The following CNTNAP2 variants were observed in gnomAD, a reference collection of about 807,000 sequenced individuals.
CNTNAP2 encodes the protein contactin associated protein 2, also known as contactin-associated protein-like 2.
In CNTNAP2, 98 loss-of-function variants were observed where a neutral mutation model predicts 155.2. That is an observed-to-expected ratio of 0.63 (90% confidence interval 0.54 to 0.75). The LOEUF is 0.75. Ranked by LOEUF, CNTNAP2 falls within the 30% of genes least tolerant of loss-of-function variation. The pLI, the probability that CNTNAP2 is intolerant of heterozygous loss-of-function variation, is 0.00. For synonymous variants in CNTNAP2, 651 were observed against 631.2 expected (o/e 1.03, Z -0.47); for missense variants, 1,727 against 1,688.1 (o/e 1.02, Z -0.40).
chr7:146,132,703 T>A (rs111365123), intron 1 of CNTNAP2, among the ~76,000 whole-genome samples: 2 of 151,026 alleles, frequency 1.3e-5, no homozygotes, highest in African/African-American at 4.9e-5. Flanking sequence ...ACTGAGAATG[T>A]TTTCCAATTT....
intron 2 of CNTNAP2, among the ~76,000 whole-genome samples, chr7:146,798,196 G>T (rs531069169): frequency 2.0e-5 from 3 of 151,978 alleles, no homozygotes; most frequent in Non-Finnish European, 4.4e-5. Flanking sequence ...CACTTGAGCC[G>T]GGGATGGGGA....
intron 2 of CNTNAP2, among the ~76,000 whole-genome samples, chr7:146,807,656 C>A (rs1278351292): frequency 6.6e-6 from 1 of 151,966 alleles, no homozygotes; most frequent in African/African-American, 2.4e-5. Flanking sequence ...AGCCTTCTCT[C>A]CTCCAGGTCT....
At chr7:147,531,550 C>A (rs891477027) in intron 11 of CNTNAP2, among the ~76,000 whole-genome samples, 2 of 152,216 alleles carry the variant, frequency 1.3e-5, no homozygotes, top group Non-Finnish European at 2.9e-5. Flanking sequence ...CCCTTTCAGC[C>A]ATGGCTGGAG....
chr7:146,885,253 TA>T (rs992296177), intron 3 of CNTNAP2, among the ~76,000 whole-genome samples: 1 of 152,140 alleles, frequency 6.6e-6, no homozygotes, highest in South Asian at 2.1e-4. Context: ...TCCAATAAAA[TA>T]AAAAACCTGC....
chr7:146,276,789 G>C (rs1337135330), intron 1 of CNTNAP2, among the ~76,000 whole-genome samples: 3 of 152,172 alleles, frequency 2.0e-5, no homozygotes, highest in African/African-American at 7.2e-5. Flanking sequence ...CTGAGCTTTA[G>C]CAAGAAGATG....
At position 146,290,909 on chromosome 7, in the gene CNTNAP2, T is replaced by A. The variant is rs1264558947; in HGVS notation, c.97+173936T>A. ...TGCATAGCAAAGCATTGGAGTGAAG[T>A]AGCTGATATGTATTGGATGACTTAG... On this transcript the variant is annotated intron_variant, in intron 1 of 23. Transcript: ENST00000361727. Among the ~76,000 whole-genome samples the A allele has an allele frequency of 2.6e-5, 4 of 152,332 alleles. No homozygotes were observed. The East Asian group carries it at 7.7e-4, about 29-fold the overall frequency.
chr7:148,217,200 G>A, intron 18 of CNTNAP2, 88 bp from the exon 19 acceptor site: 4 of 1,289,536 alleles, frequency 3.1e-6, no homozygotes, highest in Non-Finnish European at 2.3e-6. Context: ...GCCAGTGCCT[G>A]CACTCCATGA....
At chr7:147,587,371 TCC>T (rs2116837578) in intron 12 of CNTNAP2, among the ~76,000 whole-genome samples, 1 of 152,306 alleles carries the variant, frequency 6.6e-6, no homozygotes, top group East Asian at 1.9e-4. Flanking sequence ...TGGTGAGCCT[TCC>T]TCTGTGCAAA....
intron 1 of CNTNAP2, among the ~76,000 whole-genome samples, chr7:146,560,753 A>G (rs527516219): frequency 6.6e-6 from 1 of 152,276 alleles, no homozygotes; most frequent in South Asian, 2.1e-4. Flanking sequence ...TTTCTAACCA[A>G]GAAAATGTCA....
chr7:146,664,308 C>A (rs1407810066), intron 1 of CNTNAP2, among the ~76,000 whole-genome samples: 1 of 151,670 alleles, frequency 6.6e-6, no homozygotes, highest in Non-Finnish European at 1.5e-5. Flanking sequence ...ACTACAGGCA[C>A]GTGCCACCAT....
At chr7:146,530,003 A>T (rs191000471) in intron 1 of CNTNAP2, among the ~76,000 whole-genome samples, 21 of 152,094 alleles carry the variant, frequency 1.4e-4, no homozygotes, top group Middle Eastern at 3.4e-3. Flanking sequence ...AACAAATCAG[A>T]TACAAAGGCA....
chr7:147,123,075 A>G (rs1039288392), intron 6 of CNTNAP2, among the ~76,000 whole-genome samples: 4 of 152,138 alleles, frequency 2.6e-5, no homozygotes, highest in Non-Finnish European at 5.9e-5. Context: ...GACTTTATTA[A>G]CATTAAATGA....
intron 1 of CNTNAP2, among the ~76,000 whole-genome samples, chr7:146,279,039 C>A (rs1379274115): frequency 6.6e-6 from 1 of 152,024 alleles, no homozygotes; most frequent in Non-Finnish European, 1.5e-5. Flanking sequence ...ATAAAAGGAA[C>A]AAAGATTGTT....
chr7:148,300,765 CA>C (rs1404980362), intron 21 of CNTNAP2, among the ~76,000 whole-genome samples: 1 of 152,050 alleles, frequency 6.6e-6, no homozygotes, highest in African/African-American at 2.4e-5. Context: ...AAGCCAGTTA[CA>C]AAAGGACAAA....
intron 5 of CNTNAP2, among the ~76,000 whole-genome samples, chr7:147,114,889 G>A (rs1051003564): frequency 2.0e-5 from 3 of 152,038 alleles, no homozygotes; most frequent in African/African-American, 7.2e-5. Flanking sequence ...TTGTTTATGT[G>A]ATTGCTTCAT....
chr7:147,305,274 G>A (rs770903255), intron 9 of CNTNAP2, among the ~76,000 whole-genome samples: 36 of 152,316 alleles, frequency 2.4e-4, no homozygotes, highest in Non-Finnish European at 4.3e-4. Context: ...AGATAGGTAT[G>A]TAAATATAGA....
intron 13 of CNTNAP2, among the ~76,000 whole-genome samples, chr7:147,714,696 C>T (rs1445040042): frequency 2.0e-5 from 3 of 151,942 alleles, no homozygotes; most frequent in South Asian, 2.1e-4. Context: ...TACTTGTGCA[C>T]GTGTGTGTGT....
intron 11 of CNTNAP2, among the ~76,000 whole-genome samples, chr7:147,554,445 A>G (rs984147873): frequency 6.6e-6 from 1 of 152,158 alleles, no homozygotes; most frequent in Non-Finnish European, 1.5e-5. Context: ...AAACAAAAGA[A>G]AAAATGGGCT....
At chr7:147,169,322 G>T (rs1457082294) in intron 8 of CNTNAP2, among the ~76,000 whole-genome samples, 1 of 152,100 alleles carries the variant, frequency 6.6e-6, no homozygotes, top group Non-Finnish European at 1.5e-5. Flanking sequence ...ACAAGCACAG[G>T]TTTGTTAAAT....
Sources: gnomAD v4.1 joint callset for allele counts (sites outside exome capture counted in the v4.1 genomes callset) on GRCh38, gnomAD v4.1.1 for gene constraint, MANE v1.5 for transcripts, NCBI Gene and HGNC (gene_info 2026-07-23, HGNC 2026-07-21) for gene names.